The following MICALL1 variants were observed in gnomAD, a reference collection of about 807,000 sequenced individuals.
MICALL1 encodes MICAL-like protein 1.
Under a neutral mutation model 83.7 loss-of-function variants are expected in MICALL1, and 61 were observed. That is an observed-to-expected ratio of 0.73 (90% CI 0.59 to 0.90). The LOEUF (loss-of-function observed/expected upper bound fraction) is 0.90, where lower values mean the gene tolerates loss of function less well. Among genes scored for constraint, MICALL1 ranks in the 40% least tolerant of loss-of-function variants. The probability of loss-of-function intolerance (pLI) is 0.00; values close to 1 mark genes in which losing one functional copy is unlikely to be tolerated. For missense variants in MICALL1, 1,066 were observed against 1,152.0 expected (o/e 0.93, Z 1.08); for synonymous variants, 481 against 473.6 (o/e 1.02, Z -0.20).
At chr22:37,918,909 T>C in intron 4 of MICALL1, 127 bp from the exon 5 acceptor site, 2 of 1,208,206 alleles carry the variant, frequency 1.7e-6, no homozygotes, top group Middle Eastern at 2.2e-4. Context: ...GAAGTCCATT[T>C]CCACCACGAA....
intron 15 of MICALL1, among the ~76,000 whole-genome samples, chr22:37,939,195 A>C (rs1930297051): frequency 6.6e-6 from 1 of 152,062 alleles, no homozygotes; most frequent in South Asian, 2.1e-4. Context: ...TGAGCTGGCC[A>C]CTCTACCACT....
In MICALL1 at chr22:37,924,836, G is replaced by A; in HGVS notation, c.1082+119G>A. The A allele has an allele frequency of 1.0e-6, 1 of 979,574 alleles. No homozygotes were observed. The highest frequency in any genetic ancestry group is 1.5e-6 in the Non-Finnish European group (1 of 662,000). The allele number at this position is 979,574 out of a possible 1,614,324, so 60.7% of individuals were successfully genotyped here. ...GGATGGGCAGGGCGGGGCTCAGGAG[G>A]GGAAGGAGAGCTGGGCCCACACCCC... On this transcript the variant is annotated intron_variant, in intron 7 of 15. Transcript: ENST00000215957. The surrounding 1 kb of genome is among the most constrained non-coding windows in gnomAD (Gnocchi z 5.2).
rs1298001609 is a variant in MICALL1 at position 37,930,900 on chromosome 22, C to T, written c.1882-899C>T. ...CCTCTCTGAGCCTCAGAGTCCCCAG[C>T]GGGGAGAGGGTGGTTATGAGGCCTG... On this transcript the variant is annotated intron_variant, in intron 9 of 15. Transcript: ENST00000215957. This position sits in a 1 kb window ranked among gnomAD's most constrained non-coding sequence, Gnocchi z 4.8. 1.3e-5 allele frequency among the ~76,000 whole-genome samples: 2 copies of T among 152,168 alleles called. No individual in the cohort carries two copies. Among genetic ancestry groups the T allele is most frequent in the Non-Finnish European group, 2.9e-5 (2 of 68,032 alleles).
Position 37,940,707 on chromosome 22 carries a change from A to G in MICALL1, c.2471-2A>G, listed in dbSNP as rs1195841619. 1.2e-6 allele frequency: 2 copies of G among 1,613,762 alleles called. No individual in the cohort carries two copies. The highest frequency in any genetic ancestry group is 1.7e-5 in the Admixed American group (1 of 60,002). On this transcript the variant is annotated splice_acceptor_variant, in intron 15 of 15. Coordinates refer to ENST00000215957, the MANE Select transcript of MICALL1 (RefSeq NM_033386.4). LOFTEE classifies it high-confidence loss of function. The stretch of plus-strand genomic sequence containing the variant: ...TTAAGTGCTCCCCTCTCTGTGCTGC[A>G]GAGTTCCAGAGGGAGGCTGAACCTG...
chr22:37,937,334 C>T (rs1201754459), intron 14 of MICALL1, 140 bp downstream of exon 14: 20 of 668,352 alleles, frequency 3.0e-5, no homozygotes, highest in Non-Finnish European at 4.5e-5. Flanking sequence ...CTCCTACCAG[C>T]GATCCCAGTG....
At chr22:37,939,764 T>A (rs1189804141) in intron 15 of MICALL1, among the ~76,000 whole-genome samples, 24 of 99,234 alleles carry the variant, frequency 2.4e-4, no homozygotes, top group African/African-American at 4.5e-4. Context: ...ACAGCACAAG[T>A]CTCCGTCTCA....
Position 37,922,137 on chromosome 22 carries a change from C to T in MICALL1, c.735C>T (p.Leu245=), listed in dbSNP as rs148417060. 71 of 1,613,250 alleles carry T rather than the reference C, an allele frequency of 4.4e-5. No individual in the cohort carries two copies. The highest frequency in any genetic ancestry group is 1.6e-4 in the Middle Eastern group (1 of 6,062). ...CAAAGCAGCAGCACCAGCAGCAACT[C>T]GCAGAAGATGCCAAGGATGTTCCAG... The part of the protein sequence containing the change: ...SQPKQQHQQQ[L]AEDAKDVPGG... Residue 245 remains leucine, a synonymous_variant, in exon 6 of 16, where the codon CTC becomes CTT. Coordinates refer to ENST00000215957, the MANE Select transcript of MICALL1 (RefSeq NM_033386.4).
rs1929074625 is a variant in MICALL1 at position 37,922,130 on chromosome 22, A to G, written c.728A>G (p.Gln243Arg). Reference protein sequence around the residue: ...PFSQPKQQHQQQLAEDAKDVP... With the variant: ...PFSQPKQQHQRQLAEDAKDVP... ...TCACAGCCAAAGCAGCAGCACCAGCAGCAACTCGCAGAAGATGCCAAGGAT... is the reference window on the plus strand; with the variant it reads ...TCACAGCCAAAGCAGCAGCACCAGCGGCAACTCGCAGAAGATGCCAAGGAT... Residue 243 changes from glutamine (Q) to arginine (R), a missense_variant, in exon 6 of 16, where the codon CAG (glutamine) becomes CGG (arginine). By Grantham distance (43) the Gln-to-Arg change is conservative. Coordinates refer to ENST00000215957, the MANE Select transcript of MICALL1 (RefSeq NM_033386.4). The G allele has an allele frequency of 1.5e-5, 25 of 1,613,290 alleles. No individual in the cohort carries two copies. Among genetic ancestry groups the G allele is most frequent in the Non-Finnish European group, 2.0e-5 (24 of 1,180,002 alleles).
intron 15 of MICALL1, 77 bp from the exon 16 acceptor site, chr22:37,940,632 T>G: frequency 6.4e-7 from 1 of 1,561,020 alleles, no homozygotes; most frequent in Non-Finnish European, 8.7e-7. Flanking sequence ...TGCCCAGGCC[T>G]GTGTCACTGG....
intron 1 of MICALL1, among the ~76,000 whole-genome samples, chr22:37,911,711 T>G (rs772737855): frequency 6.6e-5 from 10 of 152,160 alleles, no homozygotes; most frequent in Non-Finnish European, 1.5e-4. Context: ...TCTGCTTGGA[T>G]GCCTCCAGGG....
At chr22:37,928,688 A>G (rs926937839) in intron 9 of MICALL1, among the ~76,000 whole-genome samples, 3 of 152,188 alleles carry the variant, frequency 2.0e-5, no homozygotes, top group Non-Finnish European at 2.9e-5. Context: ...GGTCTTATGT[A>G]TCAGGGCCCC....
At position 37,912,400 on chromosome 22, in the gene MICALL1, C is replaced by G. The variant is rs773351460; in HGVS notation, c.245C>G (p.Pro82Arg). 1 of 1,614,046 alleles carries G rather than the reference C, an allele frequency of 6.2e-7. No homozygotes were observed. Among genetic ancestry groups the G allele is most frequent in the Non-Finnish European group, 8.5e-7 (1 of 1,179,918 alleles). Reference sequence around the variant, plus strand: ...CTGGGGATCCCCGCTCTCCTGGACCCCAATGACATGGTCTCCATGAGCGTC... The same window carrying G: ...CTGGGGATCCCCGCTCTCCTGGACCGCAATGACATGGTCTCCATGAGCGTC... ...KELGIPALLD[P>R]NDMVSMSVPD... Residue 82 changes from proline to arginine, a missense_variant, in exon 3 of 16, where the codon CCC becomes CGC. Transcript: ENST00000215957.
rs375197046 is a variant in MICALL1, at chr22:37,917,740, C to T, written c.371C>T (p.Pro124Leu). The T allele has an allele frequency of 1.7e-5, 27 of 1,613,806 alleles. No homozygotes were observed. Among genetic ancestry groups the T allele is most frequent in the Non-Finnish European group, 2.3e-5 (27 of 1,179,930 alleles). ...TCGCCACCCAGAAAGGGCCTTGCAC[C>T]CTGTTCCCCGCCGTCTGTAGCACCC... is the stretch of plus-strand genomic sequence containing the variant. ...GVSPPRKGLA[P>L]CSPPSVAPTP... is the part of the protein sequence containing the mutation. Residue 124 changes from proline to leucine, a missense_variant, in exon 4 of 16, where the codon CCC becomes CTC. Pro to Leu is a moderately conservative substitution (Grantham distance 98). Transcript: ENST00000215957.
chr22:37,925,922 T>A lies in MICALL1; in HGVS notation c.1344T>A (p.Pro448=), dbSNP rs1443379689. ...APAAPSLATS[P]ALGHPESTPK... ...CTGCACCCAGCCTGGCCACCAGCCC[T>A]GCCCTGGGCCACCCGGAGTCCACAC... The change falls in exon 8 of 16, where the codon CCT becomes CCA. Residue 448 remains proline, a synonymous_variant. Transcript: ENST00000215957. 1.9e-6 allele frequency: 3 copies of A among 1,612,938 alleles called. No homozygotes were observed. The African/African-American group carries it at 4.0e-5, about 22-fold the overall frequency.
At chr22:37,920,619 A>G (rs1023051610) in intron 5 of MICALL1, among the ~76,000 whole-genome samples, 14 of 149,428 alleles carry the variant, frequency 9.4e-5, no homozygotes, top group African/African-American at 3.6e-4. Context: ...TCTACAAAAA[A>G]ATTAAAAAAA....
Position 37,906,631 on chromosome 22 carries a change from CCCCTCAGTAA to C in MICALL1, c.146+65_146+74del. ...CGGGCTGGGGCCGCGACCGCCGCCC[CCCCTCAGTAA>C]CACGAAGCCCGGGCGGTGACAGGCG... On this transcript the variant is annotated intron_variant, in intron 1 of 15. Transcript: ENST00000215957. This position sits in a 1 kb window ranked among gnomAD's most constrained non-coding sequence, Gnocchi z 4.4. 8.8e-7 allele frequency: 1 copy of C among 1,134,406 alleles called. No individual in the cohort carries two copies. The highest frequency in any genetic ancestry group is 1.1e-6 in the Non-Finnish European group (1 of 922,700). 70.3% of individuals were successfully genotyped at this position (1,134,406 alleles called of 1,614,324 possible).
In MICALL1 at chr22:37,912,225, T is replaced by C. The variant is rs1601805351; in HGVS notation, c.196-126T>C. On this transcript the variant is annotated intron_variant, in intron 2 of 15. Coordinates refer to ENST00000215957, the MANE Select transcript of MICALL1 (RefSeq NM_033386.4). ...TGTGGTGCTTGGGTGGGATTAATAC[T>C]GAGGGGAGCCCACAGTCACCCCATC... 5 of 1,260,606 alleles carry C rather than the reference T, an allele frequency of 4.0e-6. No homozygotes were observed. The East Asian group carries it at 1.2e-4, about 30-fold the overall frequency. The allele number at this position is 1,260,606 out of a possible 1,614,324, so 78.1% of individuals were successfully genotyped here.
intron 15 of MICALL1, among the ~76,000 whole-genome samples, 189 bp from the exon 16 acceptor site, chr22:37,940,520 C>T (rs544340492): frequency 2.6e-5 from 4 of 152,036 alleles, no homozygotes; most frequent in African/African-American, 4.8e-5. Flanking sequence ...AGGATGGGCC[C>T]CATCCTCTAG....
Position 37,924,941 on chromosome 22 carries a change from C to CG in MICALL1, c.1082+226dup, listed in dbSNP as rs1929328721. Among the ~76,000 whole-genome samples, 1 of 152,166 alleles carries CG rather than the reference C, an allele frequency of 6.6e-6. No homozygotes were observed. Among genetic ancestry groups the CG allele is most frequent in the South Asian group, 2.1e-4 (1 of 4,832 alleles). On this transcript the variant is annotated intron_variant, in intron 7 of 15. Coordinates refer to ENST00000215957, the MANE Select transcript of MICALL1 (RefSeq NM_033386.4). The surrounding 1 kb of genome is among the most constrained non-coding windows in gnomAD (Gnocchi z 5.2). ...GGTCCCTGCTCCTGTGGGCAGTGCC[C>CG]GGTGCAGGCAGCCACCTCTGGTACC...
Sources: gnomAD v4.1 joint callset for allele counts (sites outside exome capture counted in the v4.1 genomes callset) on GRCh38, gnomAD v4.1.1 for gene constraint, Gnocchi (gnomAD v3.1) non-coding constraint, MANE v1.5 for transcripts, NCBI Gene and HGNC (gene_info 2026-07-23, HGNC 2026-07-21) for gene names.